The following ITGBL1 variants were observed in gnomAD, a reference collection of about 807,000 sequenced individuals.
The protein encoded by ITGBL1 is integrin beta-like protein 1.
Under a neutral mutation model 68.5 loss-of-function variants are expected in ITGBL1, and 51 were observed. That is an observed-to-expected ratio of 0.74 (90% CI 0.59 to 0.94). The LOEUF (loss-of-function observed/expected upper bound fraction) is 0.94. Among genes scored for constraint, ITGBL1 ranks in the 40% least tolerant of loss-of-function variants. The probability of loss-of-function intolerance (pLI) is 0.00; values close to 1 mark genes in which losing one functional copy is unlikely to be tolerated. For missense variants in ITGBL1, 649 were observed against 647.4 expected (o/e 1.00, Z -0.03); for synonymous variants, 209 against 227.3 (o/e 0.92, Z 0.72).
chr13:101,662,226 C>G (rs2033106848), intron 7 of ITGBL1, among the ~76,000 whole-genome samples: 1 of 152,118 alleles, frequency 6.6e-6, no homozygotes, highest in Non-Finnish European at 1.5e-5. Flanking sequence ...CCTGTTACTT[C>G]AATGAGACAC....
chr13:101,457,097 AC>A (rs1166099914), intron 2 of ITGBL1, among the ~76,000 whole-genome samples: 1 of 152,244 alleles, frequency 6.6e-6, no homozygotes, highest in Non-Finnish European at 1.5e-5. Context: ...TATGTAAAAT[AC>A]TTAGACTAGT....
chr13:101,628,362 T>C (rs2031857700), intron 7 of ITGBL1, among the ~76,000 whole-genome samples: 1 of 152,136 alleles, frequency 6.6e-6, no homozygotes, highest in African/African-American at 2.4e-5. Context: ...GATATGTCTT[T>C]TGCAAATATT....
chr13:101,692,511 G>T, intron 7 of ITGBL1, 74 bp from the exon 8 acceptor site: 1 of 960,142 alleles, frequency 1.0e-6, no homozygotes, highest in Non-Finnish European at 1.7e-6. Flanking sequence ...GTTTAATAGT[G>T]TGCTCACCTC....
intron 7 of ITGBL1, among the ~76,000 whole-genome samples, chr13:101,691,090 A>C (rs181747258): frequency 7.9e-4 from 120 of 152,240 alleles, no homozygotes; most frequent in African/African-American, 2.5e-3. Context: ...CATTTGCCAC[A>C]CTGCCCACAG....
intron 2 of ITGBL1, among the ~76,000 whole-genome samples, chr13:101,526,129 G>A (rs935131756): frequency 3.4e-5 from 5 of 146,350 alleles, no homozygotes; most frequent in Non-Finnish European, 7.5e-5. Flanking sequence ...GGAGCCAAAG[G>A]CTAGTTTCTT....
chr13:101,474,125 G>T (rs2048501433), intron 2 of ITGBL1, among the ~76,000 whole-genome samples: 1 of 152,156 alleles, frequency 6.6e-6, no homozygotes, highest in Admixed American at 6.5e-5. Flanking sequence ...TGGGTTAGAG[G>T]ATCAAGTGAA....
At chr13:101,491,244 T>C (rs535362129) in intron 2 of ITGBL1, among the ~76,000 whole-genome samples, 2 of 152,318 alleles carry the variant, frequency 1.3e-5, no homozygotes, top group African/African-American at 4.8e-5. Context: ...GGTCAGGAGA[T>C]AGGGTTTGTC....
At position 101,589,418 on chromosome 13, in the gene ITGBL1, C is replaced by G. The variant is rs16959141; in HGVS notation, c.868+6062C>G. 9.0e-3 allele frequency among the ~76,000 whole-genome samples: 1,371 copies of G among 152,286 alleles called. 19 individuals carry two copies. The highest frequency in any genetic ancestry group is 0.031 in the African/African-American group (1,295 of 41,556). On this transcript the variant is annotated intron_variant, in intron 6 of 10. Transcript: ENST00000376180. ...TCACTTAAACTGGTGACCATACATT[C>G]GCTGACTTTCAGGAACTTCATTCTT... is the stretch of plus-strand genomic sequence containing the variant.
chr13:101,718,346 A>C (rs1042452526), downstream of ITGBL1: 1 of 152,106 alleles, frequency 6.6e-6, no homozygotes, highest in African/African-American at 2.4e-5. Context: ...TAAAGACATA[A>C]ACTCTTTCCT....
chr13:101,629,977 C>T (rs2031923157), intron 7 of ITGBL1, among the ~76,000 whole-genome samples: 2 of 152,222 alleles, frequency 1.3e-5, no homozygotes, highest in African/African-American at 4.8e-5. Context: ...TGCCTGCCAC[C>T]ACGCCCGGCT....
intron 7 of ITGBL1, among the ~76,000 whole-genome samples, chr13:101,669,972 C>T (rs2139499726): frequency 6.6e-6 from 1 of 152,264 alleles, no homozygotes; most frequent in East Asian, 1.9e-4. Flanking sequence ...TGACTCTCTC[C>T]ATTGACTTTT....
chr13:101,538,002 T>C (rs2049609581), intron 2 of ITGBL1, among the ~76,000 whole-genome samples: 2 of 152,102 alleles, frequency 1.3e-5, no homozygotes. Flanking sequence ...TTAAAGCTTA[T>C]TAATAATGTC....
chr13:101,489,889 C>T, intron 2 of ITGBL1: 1 of 971,850 alleles, frequency 1.0e-6, no homozygotes. Flanking sequence ...GAGAGGTGGA[C>T]TAAAGGTTAG....
At chr13:101,551,907 G>T (rs2049927199) in intron 2 of ITGBL1, among the ~76,000 whole-genome samples, 1 of 152,174 alleles carries the variant, frequency 6.6e-6, no homozygotes, top group Admixed American at 6.5e-5. Context: ...TTTTCAGAAT[G>T]TGGGGTGATA....
intron 7 of ITGBL1, among the ~76,000 whole-genome samples, chr13:101,659,166 T>TCC (rs79153823): frequency 1.3e-5 from 2 of 150,952 alleles, no homozygotes; most frequent in Non-Finnish European, 2.9e-5. Context: ...TTCAAGGGAT[T>TCC]CCCCTGCCTC....
downstream of ITGBL1, chr13:101,716,761 T>A (rs2034739657): frequency 7.0e-6 from 1 of 141,948 alleles, no homozygotes; most frequent in African/African-American, 2.6e-5. Context: ...TGTGATAAAA[T>A]GGCACCAATC....
intron 7 of ITGBL1, among the ~76,000 whole-genome samples, chr13:101,602,278 T>C (rs984469019): frequency 1.3e-5 from 2 of 152,028 alleles, no homozygotes; most frequent in African/African-American, 4.8e-5. Context: ...CTTTTGTCAT[T>C]TGAGAAGGAA....
chr13:101,652,816 G>A (rs1319744699), intron 7 of ITGBL1, among the ~76,000 whole-genome samples: 3 of 152,222 alleles, frequency 2.0e-5, no homozygotes, highest in African/African-American at 2.4e-5. Context: ...AAACTTGAGC[G>A]GCCGGGTGTG....
intron 7 of ITGBL1, among the ~76,000 whole-genome samples, chr13:101,599,866 T>A (rs376440499): frequency 0.013 from 1,914 of 151,924 alleles, 40 homozygotes; most frequent in African/African-American, 0.043. Flanking sequence ...GAAGTCAGGT[T>A]GCGTGATGCC....
Sources: gnomAD v4.1 joint callset for allele counts (sites outside exome capture counted in the v4.1 genomes callset) on GRCh38, gnomAD v4.1.1 for gene constraint, MANE v1.5 for transcripts, NCBI Gene and HGNC (gene_info 2026-07-23, HGNC 2026-07-21) for gene names.